The following IL3RA variants were observed in gnomAD, a reference collection of about 807,000 sequenced individuals.
IL3RA encodes interleukin-3 receptor subunit alpha.
A neutral mutation model predicts 52.3 loss-of-function variants in IL3RA; 73 were observed. The ratio of observed to expected loss-of-function variants is 1.40; its 90% CI spans 1.16 to 1.70. The LOEUF (loss-of-function observed/expected upper bound fraction) is 1.70, where lower values mean the gene tolerates loss of function less well. Among genes scored for constraint, IL3RA ranks in the 40% most tolerant of loss-of-function variants. IL3RA has a pLI of 0.00. For missense variants in IL3RA, 664 were observed against 504.4 expected (o/e 1.32, Z -3.03); for synonymous variants, 260 against 194.0 (o/e 1.34, Z -2.83).
intron 8 of IL3RA, among the ~76,000 whole-genome samples, chrX:1,359,568 C>A (rs1356501785): frequency 2.0e-5 from 3 of 149,834 alleles, no homozygotes; most frequent in African/African-American, 7.4e-5. Flanking sequence ...CTCCCTGTGT[C>A]TATCTCTCCC....
At chrX:1,380,923 T>C in intron 10 of IL3RA, 100 bp from the exon 11 acceptor site, 3 of 1,006,000 alleles carry the variant, frequency 3.0e-6, no homozygotes, top group Non-Finnish European at 4.7e-6. Context: ...CTTGAGTCTT[T>C]TGCTCTGTCC....
chrX:1,355,355 G>A (rs2086614739), intron 6 of IL3RA, among the ~76,000 whole-genome samples: 1 of 135,012 alleles, frequency 7.4e-6, no homozygotes, highest in Non-Finnish European at 1.6e-5. Context: ...GGGTGACAAG[G>A]AGAATGGGGA....
At chrX:1,339,376 CT>C (rs1342007921) in intron 1 of IL3RA, among the ~76,000 whole-genome samples, 1 of 152,216 alleles carries the variant, frequency 6.6e-6, no homozygotes, top group African/African-American at 2.4e-5. Flanking sequence ...CTCATTTTAC[CT>C]TTTCCCTGCT....
chrX:1,356,470 A>C, intron 7 of IL3RA, 134 bp downstream of exon 7: 1 of 634,710 alleles, frequency 1.6e-6, no homozygotes, highest in South Asian at 2.0e-5. Context: ...TCATTAAAAA[A>C]CAAAAACAAA....
intron 2 of IL3RA, among the ~76,000 whole-genome samples, chrX:1,344,459 C>G (rs1226396580): frequency 6.6e-6 from 1 of 150,560 alleles, no homozygotes; most frequent in African/African-American, 2.4e-5. Context: ...ACAAAAATAC[C>G]CATTACAATG....
At position 1,345,945 on chromosome X, in the gene IL3RA, G is replaced by A. The variant is rs139152155; in HGVS notation, c.183+511G>A. 1.1e-3 allele frequency among the ~76,000 whole-genome samples: 160 copies of A among 152,132 alleles called. 3 individuals carry two copies. The highest frequency in any genetic ancestry group is 3.4e-3 in the African/African-American group (139 of 41,414). On this transcript the variant is annotated intron_variant, in intron 3 of 11. Coordinates refer to ENST00000331035, the MANE Select transcript of IL3RA (RefSeq NM_002183.4). ...CTTTGGAGGGTCTGGTTCCCCGTCC[G>A]CGGGACATCTAAGATGGCACACACT... is the stretch of plus-strand genomic sequence containing the variant.
At chrX:1,359,145 A>C (rs1351386253) in intron 8 of IL3RA, among the ~76,000 whole-genome samples, 1 of 152,038 alleles carries the variant, frequency 6.6e-6, no homozygotes, top group East Asian at 1.9e-4. Context: ...AGAGTCAGGG[A>C]TGACACCTCC....
chrX:1,362,299 C>A (rs1457552379), intron 8 of IL3RA, among the ~76,000 whole-genome samples: 1 of 151,786 alleles, frequency 6.6e-6, no homozygotes, highest in African/African-American at 2.4e-5. Context: ...TGTCTCCCCT[C>A]TCTGTGTCTC....
chrX:1,345,774 G>A (rs1332533860), intron 3 of IL3RA, among the ~76,000 whole-genome samples: 1 of 151,944 alleles, frequency 6.6e-6, no homozygotes, highest in African/African-American at 2.4e-5. Flanking sequence ...ACAGGCGCGA[G>A]TCACCGCGCA....
rs756945656 is a variant in IL3RA at position 1,367,803 on chromosome X, G to C, written c.874+2551G>C. 2.0e-3 allele frequency among the ~76,000 whole-genome samples: 292 copies of C among 146,770 alleles called. 2 individuals are homozygous for C. The highest frequency in any genetic ancestry group is 6.6e-3 in the African/African-American group (260 of 39,400). On this transcript the variant is annotated intron_variant, in intron 9 of 11. Coordinates refer to ENST00000331035, the MANE Select transcript of IL3RA (RefSeq NM_002183.4). ...GCGCGGGCTGAGCGGGGTGCGCCGG[G>C]TGAGCGGGGTGCGCGGGGTGAGCGG...
intron 7 of IL3RA, among the ~76,000 whole-genome samples, chrX:1,357,988 C>G (rs2086868125): frequency 6.6e-6 from 1 of 151,574 alleles, no homozygotes; most frequent in Admixed American, 6.6e-5. Flanking sequence ...GCCTGTAGTC[C>G]CAGCTACTTG....
intron 4 of IL3RA, 103 bp downstream of exon 4, chrX:1,348,648 T>C (rs1216625404): frequency 1.7e-5 from 5 of 292,884 alleles, no homozygotes; most frequent in East Asian, 1.4e-4. Context: ...CTTTTTCTCT[T>C]TCTTTCTTTC....
chrX:1,349,012 T>A (rs1569520796), intron 4 of IL3RA, among the ~76,000 whole-genome samples: 1 of 130,430 alleles, frequency 7.7e-6, no homozygotes, highest in Non-Finnish European at 1.6e-5. Flanking sequence ...TCCCCTCCTC[T>A]CCCCTCTCCT....
intron 8 of IL3RA, among the ~76,000 whole-genome samples, chrX:1,364,794 A>C (rs1225945814): frequency 2.7e-4 from 33 of 123,042 alleles, no homozygotes; most frequent in African/African-American, 7.2e-4. Context: ...TTCTTCTTTT[A>C]TTTATTTATT....
chrX:1,362,610 T>G (rs1169928641), intron 8 of IL3RA, among the ~76,000 whole-genome samples: 1 of 152,110 alleles, frequency 6.6e-6, no homozygotes, highest in East Asian at 1.9e-4. Flanking sequence ...TCTGTTTCTA[T>G]CTCCGTCCTC....
At chrX:1,365,103 C>G in intron 8 of IL3RA, 35 bp from the exon 9 acceptor site, 3 of 1,515,674 alleles carry the variant, frequency 2.0e-6, no homozygotes, top group Non-Finnish European at 2.7e-6. Context: ...GCCACCATAC[C>G]TGGCCCCTCT....
At chrX:1,359,679 T>A (rs1243033147) in intron 8 of IL3RA, among the ~76,000 whole-genome samples, 1 of 150,872 alleles carries the variant, frequency 6.6e-6, no homozygotes, top group African/African-American at 2.4e-5. Flanking sequence ...CGTGTCTGTC[T>A]CTATCTTTCT....
At chrX:1,357,142 C>T (rs2086796805) in intron 7 of IL3RA, among the ~76,000 whole-genome samples, 1 of 151,978 alleles carries the variant, frequency 6.6e-6, no homozygotes, top group Non-Finnish European at 1.5e-5. Flanking sequence ...TTAGTAGAAA[C>T]AGAGTTTCAT....
At chrX:1,340,357 C>T (rs1381437042) in intron 1 of IL3RA, among the ~76,000 whole-genome samples, 1 of 152,136 alleles carries the variant, frequency 6.6e-6, no homozygotes, top group Non-Finnish European at 1.5e-5. Flanking sequence ...CTCGGGCAAT[C>T]TGCCCACCTC....
Sources: allele counts gnomAD v4.1 joint callset (sites outside exome capture counted in the v4.1 genomes callset), GRCh38; gene constraint gnomAD v4.1.1; transcripts MANE v1.5; gene names NCBI Gene and HGNC (gene_info 2026-07-23, HGNC 2026-07-21).